HPSE: variants seen among roughly 807,000 people sequenced by gnomAD.
The protein encoded by HPSE is endo-glucoronidase.
A neutral mutation model predicts 65.1 loss-of-function variants in HPSE; 48 were observed. The observed-to-expected ratio is 0.74, with a 90% CI of 0.58 to 0.94. HPSE has a LOEUF of 0.94. Among genes scored for constraint, HPSE ranks in the 40% least tolerant of loss-of-function variants. The pLI, the probability that HPSE is intolerant of heterozygous loss-of-function variation, is 0.00. For missense variants in HPSE, 644 were observed against 637.5 expected (o/e 1.01, Z -0.11); for synonymous variants, 243 against 260.0 (o/e 0.93, Z 0.63).
At position 83,302,210 on chromosome 4, in the gene HPSE, C is replaced by A; in HGVS notation, c.1265G>T (p.Ser422Ile). 1.2e-6 allele frequency: 2 copies of A among 1,614,012 alleles called. No individual in the cohort carries two copies. The highest frequency in any genetic ancestry group is 1.7e-6 in the Non-Finnish European group (2 of 1,179,942). The change falls in exon 10 of 12, where the codon AGC becomes ATC. Residue 422 changes from serine (S) to isoleucine (I), a missense_variant. By Grantham distance (142) the Ser-to-Ile change is moderately radical. Coordinates refer to ENST00000311412, the MANE Select transcript of HPSE (RefSeq NM_001098540.3). ...CTTCCTTCTCTTTGAACCTTGCACG[C>A]TTGCCATTAACACCTTGGTGCCCAC... ...KLVGTKVLMA[S>I]VQGSKRRKLR...
chr4:83,325,972 G>C (rs11725656), intron 1 of HPSE, among the ~76,000 whole-genome samples: 23,163 of 152,086 alleles, frequency 0.15, 1,901 homozygotes, highest in African/African-American at 0.18. Context: ...ACAGAATGGA[G>C]AAGCAAATAG....
At chr4:83,314,999 T>A (rs1736571033) in intron 3 of HPSE, among the ~76,000 whole-genome samples, 1 of 151,882 alleles carries the variant, frequency 6.6e-6, no homozygotes, top group Non-Finnish European at 1.5e-5. Flanking sequence ...CTACTAAAAA[T>A]ACAAAAATTA....
intron 11 of HPSE, among the ~76,000 whole-genome samples, chr4:83,298,864 G>T (rs1215065913): frequency 2.6e-5 from 4 of 152,084 alleles, no homozygotes; most frequent in African/African-American, 9.7e-5. Context: ...ATTTTTAAAG[G>T]TGACTGTTGT....
chr4:83,303,681 C>T (rs1257522575), intron 9 of HPSE, among the ~76,000 whole-genome samples: 4 of 152,146 alleles, frequency 2.6e-5, no homozygotes, highest in Non-Finnish European at 4.4e-5. Context: ...TCTCATGTAG[C>T]TGGGACCACA....
At chr4:83,314,069 A>G (rs1736529680) in intron 3 of HPSE, among the ~76,000 whole-genome samples, 1 of 152,114 alleles carries the variant, frequency 6.6e-6, no homozygotes. Context: ...CCTGGGCAAC[A>G]TGGCAAAACC....
At chr4:83,325,130 GGTGTGTGT>G (rs70949703) in intron 1 of HPSE, among the ~76,000 whole-genome samples, 10,295 of 134,112 alleles carry the variant, frequency 0.077, 520 homozygotes, top group African/African-American at 0.14. Flanking sequence ...TATACAACTT[GGTGTGTGT>G]GTGTGTGTGT....
intron 5 of HPSE, 107 bp from the exon 6 acceptor site, chr4:83,310,185 C>T (rs1736312769): frequency 1.5e-6 from 1 of 666,688 alleles, no homozygotes; most frequent in Non-Finnish European, 2.6e-6. Context: ...GCTTTAGGAT[C>T]AGGTAAACAC....
At position 83,313,099 on chromosome 4, in the gene HPSE, C is replaced by A; in HGVS notation, c.673+15G>T. ...GGGATCTCCTTATTAATGAATTGTT[C>A]CCTGGGGTACTCACCATTGCCTAGT... On this transcript the variant is annotated intron_variant, in intron 4 of 11. Coordinates refer to ENST00000311412, the MANE Select transcript of HPSE (RefSeq NM_001098540.3). 2 of 1,545,402 alleles carry A rather than the reference C, an allele frequency of 1.3e-6. No individual in the cohort carries two copies. The highest frequency in any genetic ancestry group is 1.8e-6 in the Non-Finnish European group (2 of 1,126,164).
intron 3 of HPSE, among the ~76,000 whole-genome samples, chr4:83,316,730 C>G (rs79764311): frequency 6.6e-6 from 1 of 152,174 alleles, no homozygotes. Context: ...ACACTGCTTC[C>G]TTTTCCTGCT....
chr4:83,334,550 G>A lies in HPSE; in HGVS notation c.227+6C>T. 1.3e-6 allele frequency: 2 copies of A among 1,572,596 alleles called. No homozygotes were observed. The highest frequency in any genetic ancestry group is 1.9e-5 in the Admixed American group (1 of 53,738). On this transcript the variant is annotated splice_donor_region_variant and intron_variant, in intron 1 of 11. Transcript: ENST00000311412. ...AAGGGGACAGGACCAGGAGGCTGGC[G>A]CTTACCCCAGGAGGATGAGGAACCG...
At position 83,292,945 on chromosome 4, in the gene HPSE, CGAG is replaced by C. The variant is rs1377319296; in HGVS notation, c.*2396_*2398del. On this transcript the variant is annotated 3_prime_UTR_variant, in exon 12 of 12. Coordinates refer to ENST00000311412, the MANE Select transcript of HPSE (RefSeq NM_001098540.3). ...CTCAGGTGACAAGTACATTAAAAGC[CGAG>C]TCTTCACCACTACACAATTCACCCC... 3.9e-5 allele frequency: 6 copies of C among 152,056 alleles called. No homozygotes were observed. The highest frequency in any genetic ancestry group is 8.8e-5 in the Non-Finnish European group (6 of 68,004). The allele number at this position is 152,056 out of a possible 1,614,324, so 9.4% of individuals were successfully genotyped here.
rs1437130697 is a variant in HPSE at position 83,292,525 on chromosome 4, T to G, written c.*2819A>C. On this transcript the variant is annotated 3_prime_UTR_variant, in exon 12 of 12. Coordinates refer to ENST00000311412, the MANE Select transcript of HPSE (RefSeq NM_001098540.3). Reference sequence around the variant, plus strand: ...ATAAAAACCACTTACATATAAAATTTAAGAGTATTGAAAGATCTAAAATTT... The same window carrying G: ...ATAAAAACCACTTACATATAAAATTGAAGAGTATTGAAAGATCTAAAATTT... 1 of 152,252 alleles carries G rather than the reference T, an allele frequency of 6.6e-6. No individual in the cohort carries two copies. The allele number at this position is 152,252 out of a possible 1,614,324, so 9.4% of individuals were successfully genotyped here. A position where few individuals can be genotyped will look rare whatever the true frequency, so the allele number is the denominator to read the frequency against.
chr4:83,327,149 G>C (rs937056436), intron 1 of HPSE, among the ~76,000 whole-genome samples: 2 of 152,180 alleles, frequency 1.3e-5, no homozygotes, highest in African/African-American at 2.4e-5. Flanking sequence ...CCGATACCTA[G>C]ATAAGTACTT....
intron 8 of HPSE, among the ~76,000 whole-genome samples, chr4:83,308,544 A>G (rs1736238263): frequency 6.6e-6 from 1 of 152,220 alleles, no homozygotes; most frequent in Non-Finnish European, 1.5e-5. Flanking sequence ...ATATCCGGCT[A>G]TATGCATTCT....
intron 3 of HPSE, among the ~76,000 whole-genome samples, chr4:83,318,260 G>A (rs1736731596): frequency 6.6e-6 from 1 of 152,158 alleles, no homozygotes; most frequent in Non-Finnish European, 1.5e-5. Flanking sequence ...TTCTTTAACT[G>A]AGATATGGGA....
At chr4:83,313,393 A>G in intron 3 of HPSE, 106 bp from the exon 4 acceptor site, 1 of 658,940 alleles carries the variant, frequency 1.5e-6, no homozygotes, top group Non-Finnish European at 2.5e-6. Flanking sequence ...AACTGAAGAA[A>G]TTCTAGTTCT....
intron 2 of HPSE, 40 bp from the exon 3 acceptor site, chr4:83,319,509 A>G (rs1333500365): frequency 6.3e-7 from 1 of 1,594,494 alleles, no homozygotes; most frequent in African/African-American, 1.3e-5. Flanking sequence ...CTGTTTTCAC[A>G]GTGAGCAGAC....
At position 83,326,258 on chromosome 4, in the gene HPSE, C is replaced by T. The variant is rs1387157575; in HGVS notation, c.228-3894G>A. On this transcript the variant is annotated intron_variant, in intron 1 of 11. Transcript: ENST00000311412. The surrounding 1 kb of genome is among the most constrained non-coding windows in gnomAD (Gnocchi z 4.2). Reference sequence around the variant, plus strand: ...CTTTTTTTAAATGAGACAGGTTTCACCTTGTTGGCCAGGCTGGTCTTGAAC... The same window carrying T: ...CTTTTTTTAAATGAGACAGGTTTCATCTTGTTGGCCAGGCTGGTCTTGAAC... Among the ~76,000 whole-genome samples, 2 of 152,196 alleles carry T rather than the reference C, an allele frequency of 1.3e-5. No individual in the cohort carries two copies. Among genetic ancestry groups the T allele is most frequent in the Admixed American group, 6.5e-5 (1 of 15,272 alleles).
Position 83,303,290 on chromosome 4 carries a change from A to G in HPSE, c.1207-1022T>C, listed in dbSNP as rs550936417. Among the ~76,000 whole-genome samples the G allele has an allele frequency of 1.9e-4, 29 of 152,338 alleles. No homozygotes were observed. In the South Asian group the frequency reaches 5.8e-3, roughly 30 times the overall value. On this transcript the variant is annotated intron_variant, in intron 9 of 11. Transcript: ENST00000311412. The stretch of plus-strand genomic sequence containing the variant: ...TATAATGTAGGAAATACTATAGAAC[A>G]AATTACCTGTTTTTTCACATTAATA...
Sources: gnomAD v4.1 joint callset for allele counts (sites outside exome capture counted in the v4.1 genomes callset) on GRCh38, gnomAD v4.1.1 for gene constraint, Gnocchi (gnomAD v3.1) non-coding constraint, MANE v1.5 for transcripts, NCBI Gene and HGNC (gene_info 2026-07-23, HGNC 2026-07-21) for gene names.